Variants in ROBO2 observed in about 807,000 individuals in gnomAD.
ROBO2 encodes roundabout guidance receptor 2, also known as roundabout homolog 2.
Under a neutral mutation model 160.8 loss-of-function variants are expected in ROBO2, and 53 were observed. That is an observed-to-expected ratio of 0.33 (90% CI 0.26 to 0.41). ROBO2 has a LOEUF of 0.41. Ranked by LOEUF, ROBO2 falls within the 10% of genes least tolerant of loss-of-function variation. The pLI is 1.00. For missense variants in ROBO2, 1,577 were observed against 1,722.4 expected (o/e 0.92, Z 1.49); for synonymous variants, 664 against 611.7 (o/e 1.09, Z -1.26).
intron 4 of ROBO2, among the ~76,000 whole-genome samples, chr3:77,489,108 T>C (rs2085743764): frequency 6.6e-6 from 1 of 152,182 alleles, no homozygotes; most frequent in South Asian, 2.1e-4. Flanking sequence ...TACTTTAAAA[T>C]ATGTGACCAA....
intron 1 of ROBO2, among the ~76,000 whole-genome samples, chr3:77,071,030 A>C (rs141674131): frequency 6.6e-6 from 1 of 152,246 alleles, no homozygotes; most frequent in East Asian, 1.9e-4. Flanking sequence ...TTGTTTACTC[A>C]TATATTTATA....
intron 2 of ROBO2, among the ~76,000 whole-genome samples, chr3:77,381,625 C>T (rs148292322): frequency 1.3e-5 from 2 of 152,308 alleles, no homozygotes; most frequent in East Asian, 1.9e-4. Context: ...ACAGTACACA[C>T]ACTACCCATG....
chr3:77,546,423 C>G (rs1011795942), exon 7 of ROBO2: 1 of 1,613,326 alleles, frequency 6.2e-7, no homozygotes, highest in African/African-American at 1.3e-5. Flanking sequence ...CTAAAGGAAA[C>G]CCACAGCCAG....
chr3:76,943,132 G>A lies in ROBO2; in HGVS notation c.110-154882G>A, dbSNP rs115417711. 3.8e-3 allele frequency among the ~76,000 whole-genome samples: 584 copies of A among 152,286 alleles called. 3 individuals are homozygous for A. Among genetic ancestry groups the A allele is most frequent in the African/African-American group, 0.013 (553 of 41,566 alleles). The stretch of plus-strand genomic sequence containing the variant: ...TTTTAATATGTTCATCACAAAATAA[G>A]TTCTCAAATTAACTTTTCCATTTCT... On this transcript the variant is annotated intron_variant, in intron 2 of 26. Transcript: ENST00000487694.
chr3:76,226,026 A>G (rs955412884), intron 2 of ROBO2, among the ~76,000 whole-genome samples: 2 of 152,180 alleles, frequency 1.3e-5, no homozygotes, highest in Non-Finnish European at 2.9e-5. Flanking sequence ...ATAACAGTGC[A>G]TTTTTAATTT....
rs2072506053 is a variant in ROBO2, at chr3:76,158,697, C to T, written c.109+221095C>T. Among the ~76,000 whole-genome samples the T allele has an allele frequency of 1.3e-5, 2 of 152,090 alleles. 1 individual carries two copies. Among genetic ancestry groups the T allele is most frequent in the Admixed American group, 1.3e-4 (2 of 15,252 alleles). On this transcript the variant is annotated intron_variant, in intron 2 of 26. Coordinates refer to the ROBO2 transcript ENST00000487694. Reference sequence around the variant, plus strand: ...AGCTGGCTTAAGAGAAGTAGCCCTGCATTGTCCCGCTTCCTTTCTGGAAGG... The same window carrying T: ...AGCTGGCTTAAGAGAAGTAGCCCTGTATTGTCCCGCTTCCTTTCTGGAAGG...
intron 2 of ROBO2, among the ~76,000 whole-genome samples, chr3:76,151,649 C>T (rs2072208566): frequency 6.6e-6 from 1 of 152,096 alleles, no homozygotes; most frequent in African/African-American, 2.4e-5. Flanking sequence ...CAACTATGTA[C>T]TTTGTGAGCC....
chr3:77,499,539 T>TA (rs1006947067), intron 5 of ROBO2, among the ~76,000 whole-genome samples: 2 of 151,750 alleles, frequency 1.3e-5, no homozygotes, highest in Non-Finnish European at 2.9e-5. Context: ...AAATTAATGC[T>TA]AAAAAAATAT....
intron 2 of ROBO2, among the ~76,000 whole-genome samples, chr3:76,318,873 A>G (rs1006403613): frequency 4.6e-5 from 7 of 152,156 alleles, no homozygotes; most frequent in Non-Finnish European, 8.8e-5. Flanking sequence ...AAGAAATTCC[A>G]AAAGTGATGA....
intron 2 of ROBO2, among the ~76,000 whole-genome samples, chr3:76,392,473 A>G (rs2077203063): frequency 6.6e-6 from 1 of 152,180 alleles, no homozygotes; most frequent in South Asian, 2.1e-4. Flanking sequence ...CTAAATTGAT[A>G]TGCATGATGC....
intron 2 of ROBO2, among the ~76,000 whole-genome samples, chr3:77,410,277 C>A (rs1054555761): frequency 2.0e-5 from 3 of 152,154 alleles, no homozygotes; most frequent in Admixed American, 1.3e-4. Flanking sequence ...GTTTAAATGA[C>A]CTCCCATTAA....
chr3:76,761,559 G>A (rs2597240), intron 2 of ROBO2, among the ~76,000 whole-genome samples: 127,244 of 151,728 alleles, frequency 0.84, 53,457 homozygotes, highest in Admixed American at 0.86. Context: ...TTTTGTTGCC[G>A]TTACTTGCCA....
chr3:77,309,859 C>T (rs2063396118), intron 2 of ROBO2, among the ~76,000 whole-genome samples: 1 of 152,170 alleles, frequency 6.6e-6, no homozygotes, highest in African/African-American at 2.4e-5. Context: ...AGCAGTGGTA[C>T]TTGTAAAACA....
intron 2 of ROBO2, among the ~76,000 whole-genome samples, chr3:76,764,569 G>A (rs904204800): frequency 1.3e-5 from 2 of 151,554 alleles, no homozygotes; most frequent in African/African-American, 4.8e-5. Flanking sequence ...AATTTTCCAG[G>A]CTCATCTTTT....
At chr3:77,291,764 A>T (rs535631599) in intron 2 of ROBO2, among the ~76,000 whole-genome samples, 1 of 151,158 alleles carries the variant, frequency 6.6e-6, no homozygotes, top group East Asian at 2.0e-4. Flanking sequence ...ACCCAGACAT[A>T]AAGTAAAATT....
At chr3:75,928,826 G>T (rs1576175823) in intron 1 of ROBO2, among the ~76,000 whole-genome samples, 1 of 146,624 alleles carries the variant, frequency 6.8e-6, no homozygotes, top group African/African-American at 2.5e-5. Context: ...TACTTTCAAT[G>T]TACCTTCAAA....
chr3:77,457,795 G>A (rs1018089629), intron 2 of ROBO2, among the ~76,000 whole-genome samples: 11 of 151,466 alleles, frequency 7.3e-5, no homozygotes, highest in Non-Finnish European at 1.3e-4. Context: ...TATTTTGTTC[G>A]GTCAAAATAG....
chr3:76,192,905 A>G (rs1228722495), intron 2 of ROBO2, among the ~76,000 whole-genome samples: 2 of 152,128 alleles, frequency 1.3e-5, no homozygotes, highest in Admixed American at 6.6e-5. Flanking sequence ...TCATAGGTCA[A>G]TTTATGCTGC....
chr3:77,339,157 TG>T (rs1251728379), intron 2 of ROBO2, among the ~76,000 whole-genome samples: 1 of 152,090 alleles, frequency 6.6e-6, no homozygotes, highest in Non-Finnish European at 1.5e-5. Context: ...CTTTATTTTT[TG>T]CCAAATGATA....
Sources: allele counts gnomAD v4.1 joint callset (sites outside exome capture counted in the v4.1 genomes callset), GRCh38; gene constraint gnomAD v4.1.1; transcripts MANE v1.5; gene names NCBI Gene and HGNC (gene_info 2026-07-23, HGNC 2026-07-21).